The following SI variants were observed in gnomAD, a reference collection of about 807,000 sequenced individuals.
The protein encoded by SI is sucrase-isomaltase.
SI carries 235 observed loss-of-function variants against 253.3 expected under a neutral mutation model. That is an observed-to-expected ratio of 0.93 (90% CI 0.83 to 1.03). The LOEUF is 1.03. Among genes scored for constraint, SI ranks in the 50% least tolerant of loss-of-function variants. SI has a pLI of 0.00. For missense variants in SI, 2,442 were observed against 2,211.1 expected (o/e 1.10, Z -2.09); for synonymous variants, 819 against 712.0 (o/e 1.15, Z -2.39).
chr3:165,007,840 G>C (rs572593952), intron 36 of SI, 71 bp downstream of exon 36: 1 of 571,382 alleles, frequency 1.8e-6, no homozygotes, highest in African/African-American at 1.9e-5. Context: ...ATATATATCA[G>C]TTTATATTAT....
chr3:165,014,227 CTCA>C (rs1718913351), intron 33 of SI, among the ~76,000 whole-genome samples: 1 of 152,066 alleles, frequency 6.6e-6, no homozygotes, highest in Admixed American at 6.6e-5. Context: ...AATTGTGTCT[CTCA>C]TCATAGATTT....
chr3:165,032,089 T>G (rs1208776158), intron 24 of SI, among the ~76,000 whole-genome samples: 1 of 151,162 alleles, frequency 6.6e-6, no homozygotes, highest in African/African-American at 2.4e-5. Context: ...TTGAGGACAA[T>G]GAGACCTCAC....
At chr3:164,987,291 GAC>G in intron 44 of SI, 65 bp from the exon 45 acceptor site, 1 of 1,304,402 alleles carries the variant, frequency 7.7e-7, no homozygotes. Context: ...GTTATGATAT[GAC>G]ATCCACATAA....
intron 31 of SI, among the ~76,000 whole-genome samples, chr3:165,016,853 T>C (rs991032147): frequency 1.3e-5 from 2 of 151,910 alleles, no homozygotes; most frequent in Non-Finnish European, 2.9e-5. Context: ...TGTCAACATA[T>C]ATAATTAATT....
intron 5 of SI, 28 bp downstream of exon 5, chr3:165,068,694 A>C (rs550032803): frequency 2.0e-6 from 3 of 1,519,882 alleles, no homozygotes; most frequent in Non-Finnish European, 2.7e-6. Flanking sequence ...TTTTAGTATT[A>C]AATCTTTGGA....
intron 10 of SI, 46 bp from the exon 11 acceptor site, chr3:165,059,345 T>TAGGC (rs1713875045): frequency 1.3e-6 from 2 of 1,583,524 alleles, no homozygotes; most frequent in Non-Finnish European, 1.7e-6. Flanking sequence ...CTGAAAGAGC[T>TAGGC]CTCTAATCAA....
In SI at chr3:165,074,576, A is replaced by T. The variant is rs369719801; in HGVS notation, c.210T>A (p.Pro70=). Residue 70 remains proline, a synonymous_variant, in exon 3 of 48, where the codon CCT becomes CCA. Coordinates refer to ENST00000264382, the MANE Select transcript of SI (RefSeq NM_001041.4). ...SGKCPNVLND[P]VNVRINCIPE... Reference sequence around the variant, plus strand: ...GAATGCAGTTTATTCTCACATTGACAGGATCATTTAACACATTTGGACATT... The same window carrying T: ...GAATGCAGTTTATTCTCACATTGACTGGATCATTTAACACATTTGGACATT... The T allele has an allele frequency of 3.1e-6, 5 of 1,609,972 alleles. No homozygotes were observed. In the African/African-American group the frequency reaches 6.7e-5, roughly 22 times the overall value.
chr3:165,011,334 T>C (rs1261437856), intron 34 of SI, among the ~76,000 whole-genome samples: 1 of 152,176 alleles, frequency 6.6e-6, no homozygotes, highest in Non-Finnish European at 1.5e-5. Context: ...AGAAATTTTC[T>C]AATTCTCTTT....
At chr3:165,088,900 G>C in the SI span, among the ~76,000 whole-genome samples, 1 of 151,732 alleles carries the variant, frequency 6.6e-6, no homozygotes, top group East Asian at 1.9e-4. Flanking sequence ...AGTTTATATT[G>C]CTATTTACTA....
In SI at chr3:164,982,856, G is replaced by T. The variant is rs373635615; in HGVS notation, c.5247+146C>A. On this transcript the variant is annotated intron_variant, in intron 46 of 47. Transcript: ENST00000264382. ...TATAGAGATGGGGTCCCATTATGTT[G>T]CCCAGACAGGTCTTGAACCCCTGGC... 5 of 660,582 alleles carry T rather than the reference G, an allele frequency of 7.6e-6. No homozygotes were observed. The African/African-American group carries it at 9.1e-5, about 12-fold the overall frequency. 40.9% of individuals were successfully genotyped at this position (660,582 alleles called of 1,614,324 possible).
intron 9 of SI, among the ~76,000 whole-genome samples, 177 bp from the exon 10 acceptor site, chr3:165,060,204 G>A (rs1225563693): frequency 6.6e-6 from 1 of 151,896 alleles, no homozygotes. Context: ...CTATTTGAAT[G>A]TGTTATGAAA....
rs780700001 is a variant in SI at position 165,069,161 on chromosome 3, G to A, written c.290C>T (p.Pro97Leu). The change falls in exon 4 of 48, where the codon CCG becomes CTG. Residue 97 changes from proline (P) to leucine (L), a missense_variant. Pro to Leu is a moderately conservative substitution (Grantham distance 98). Coordinates refer to ENST00000264382, the MANE Select transcript of SI (RefSeq NM_001041.4). ...CCAAGGAATAAGAGAGTCATTCCAC[G>A]GCCTCCAGCAGCAGCCTCTCTGTGC... ...ICAQRGCCWR[P>L]WNDSLIPWCF... 4 of 1,613,290 alleles carry A rather than the reference G, an allele frequency of 2.5e-6. No homozygotes were observed. Among genetic ancestry groups the A allele is most frequent in the African/African-American group, 1.3e-5 (1 of 74,990 alleles).
At chr3:164,998,428 G>C in intron 38 of SI, 112 bp downstream of exon 38, 1 of 1,095,426 alleles carries the variant, frequency 9.1e-7, no homozygotes, top group East Asian at 2.4e-5. Context: ...CATAAAGTAC[G>C]ATGTGAAGAA....
At chr3:165,028,677 A>T (rs1032767603) in intron 25 of SI, among the ~76,000 whole-genome samples, 2 of 151,412 alleles carry the variant, frequency 1.3e-5, no homozygotes, top group African/African-American at 4.8e-5. Context: ...AGACAAAAAC[A>T]TAAAGTGAGG....
At chr3:165,059,797 T>C (rs1713898331) in intron 10 of SI, 105 bp downstream of exon 10, 1 of 1,150,966 alleles carries the variant, frequency 8.7e-7, no homozygotes, top group Admixed American at 1.9e-5. Context: ...CTTAATTATA[T>C]GATATAATGT....
At chr3:164,987,269 A>G in intron 44 of SI, 43 bp from the exon 45 acceptor site, 1 of 1,481,898 alleles carries the variant, frequency 6.7e-7, no homozygotes, top group South Asian at 1.1e-5. Flanking sequence ...TTTGTAGAAT[A>G]GCATATGTCT....
chr3:165,003,888 G>A (rs145327964), intron 37 of SI, among the ~76,000 whole-genome samples: 255 of 152,112 alleles, frequency 1.7e-3, no homozygotes, highest in African/African-American at 5.8e-3. Context: ...AAAGAGGAAT[G>A]AGAAGACCAT....
At position 165,062,398 on chromosome 3, in the gene SI, T is replaced by C; in HGVS notation, c.993A>G (p.Pro331=). 6.3e-7 allele frequency: 1 copy of C among 1,588,354 alleles called. No homozygotes were observed. The highest frequency in any genetic ancestry group is 8.6e-7 in the Non-Finnish European group (1 of 1,157,152). ...LDFYILLGDT[P]EQVVQQYQQL... is the part of the protein sequence containing the mutation. The stretch of plus-strand genomic sequence containing the variant: ...GTTGATACTGTTGAACTACTTGTTC[T>C]GGTGTATCTCCTAGAAGGATGTAAA... The change falls in exon 9 of 48, where the codon CCA becomes CCG. Residue 331 remains proline, a synonymous_variant. Coordinates refer to ENST00000264382, the MANE Select transcript of SI (RefSeq NM_001041.4).
At chr3:165,081,150 G>A (rs1275356087), upstream of SI, among the ~76,000 whole-genome samples, 1 of 151,894 alleles carries the variant, frequency 6.6e-6, no homozygotes, top group Non-Finnish European at 1.5e-5. Context: ...TCAATTATAA[G>A]CATAAGGAAG....
Sources: gnomAD v4.1 joint callset for allele counts (sites outside exome capture counted in the v4.1 genomes callset) on GRCh38, gnomAD v4.1.1 for gene constraint, MANE v1.5 for transcripts, NCBI Gene and HGNC (gene_info 2026-07-23, HGNC 2026-07-21) for gene names.